CACNA1B: variants seen among roughly 807,000 people sequenced by gnomAD.
CACNA1B encodes calcium voltage-gated channel subunit alpha1 B, also known as voltage-dependent N-type calcium channel subunit alpha-1B.
In CACNA1B, 70 loss-of-function variants were observed where a neutral mutation model predicts 247.2. That is an observed-to-expected ratio of 0.28 (90% confidence interval 0.23 to 0.35). The LOEUF is 0.35. Ranked by LOEUF, CACNA1B falls within the 10% of genes least tolerant of loss-of-function variation. The probability of loss-of-function intolerance (pLI) is 1.00; values close to 1 mark genes in which losing one functional copy is unlikely to be tolerated. For missense variants in CACNA1B, 2,367 were observed against 3,197.4 expected, an observed-to-expected ratio of 0.74 and a Z score of 6.26; for synonymous variants, 1,231 against 1,294.4, an observed-to-expected ratio of 0.95 and a Z score of 1.05.
chr9:138,059,246 T>G lies in CACNA1B; in HGVS notation c.4584+57T>G. The G allele has an allele frequency of 1.0e-6, 1 of 1,000,422 alleles. No homozygotes were observed. The highest frequency in any genetic ancestry group is 1.6e-6 in the Non-Finnish European group (1 of 635,614). 62.0% of individuals were successfully genotyped at this position (1,000,422 alleles called of 1,614,324 possible). ...ACAACCTATATTCTGGTTCCCCATC[T>G]GTAGGGCGACCTTTGGGGGCTCACA... is the stretch of plus-strand genomic sequence containing the variant. On this transcript the variant is annotated intron_variant, in intron 30 of 46. Transcript: ENST00000371372. The surrounding 1 kb of genome is among the most constrained non-coding windows in gnomAD (Gnocchi z 4.2).
chr9:137,899,993 G>A lies in CACNA1B; in HGVS notation c.531-13187G>A, dbSNP rs55975415. Among the ~76,000 whole-genome samples the A allele has an allele frequency of 0.12, 17,580 of 152,184 alleles. 3,155 individuals are homozygous for A. Among genetic ancestry groups the A allele is most frequent in the African/African-American group, 0.39 (16,004 of 41,454 alleles). On this transcript the variant is annotated intron_variant, in intron 3 of 46. Coordinates refer to ENST00000371372, the MANE Select transcript of CACNA1B (RefSeq NM_000718.4). The surrounding 1 kb of genome is among the most constrained non-coding windows in gnomAD (Gnocchi z 5.0). ...GGGCCAGATGCATGGGGACAAGGGA[G>A]CATCCATAGTTTCTCATAGAACATA...
At chr9:138,080,175 G>A (rs1012711491) in intron 36 of CACNA1B, among the ~76,000 whole-genome samples, 7 of 152,188 alleles carry the variant, frequency 4.6e-5, no homozygotes, top group Non-Finnish European at 7.3e-5. Context: ...ATCCAGATTC[G>A]GGATTTCCCA....
intron 36 of CACNA1B, among the ~76,000 whole-genome samples, chr9:138,087,993 A>G (rs1187453597): frequency 6.6e-6 from 1 of 152,164 alleles, no homozygotes; most frequent in Non-Finnish European, 1.5e-5. Context: ...GCCGAAAATT[A>G]GTAGAGGAAC....
intron 6 of CACNA1B, among the ~76,000 whole-genome samples, chr9:137,940,512 C>G (rs188101066): frequency 2.0e-5 from 3 of 152,156 alleles, no homozygotes; most frequent in Non-Finnish European, 4.4e-5. Flanking sequence ...GGTACCAATC[C>G]TATCGACACT....
chr9:138,025,118 G>A lies in CACNA1B; in HGVS notation c.3232G>A (p.Val1078Ile). ...TCAGCCCCCAGACCCGAACACTATT[G>A]TACATATCCCAGTGATGCTGACGGG... Reference protein sequence around the residue: ...GSQPPDPNTIVHIPVMLTGPL... With the variant: ...GSQPPDPNTIIHIPVMLTGPL... The change falls in exon 20 of 47, where the codon GTA becomes ATA. Residue 1078 changes from valine to isoleucine, a missense_variant. Val to Ile is a conservative substitution (Grantham distance 29). Transcript: ENST00000371372. 2 of 1,613,434 alleles carry A rather than the reference G, an allele frequency of 1.2e-6. No individual in the cohort carries two copies. Among genetic ancestry groups the A allele is most frequent in the East Asian group, 2.2e-5 (1 of 44,856 alleles).
In CACNA1B at chr9:138,073,718, G is replaced by T; in HGVS notation, c.4791+114G>T. ...GGCTGGGAGAGGGTATGGCATGCAG[G>T]TTTCGTGGTTGTATGCATTGTCCTG... On this transcript the variant is annotated intron_variant, in intron 33 of 46. Coordinates refer to ENST00000371372, the MANE Select transcript of CACNA1B (RefSeq NM_000718.4). The surrounding 1 kb of genome is among the most constrained non-coding windows in gnomAD (Gnocchi z 6.4). 1 of 709,272 alleles carries T rather than the reference G, an allele frequency of 1.4e-6. No individual in the cohort carries two copies. The highest frequency in any genetic ancestry group is 1.6e-5 in the South Asian group (1 of 61,582). 43.9% of individuals were successfully genotyped at this position (709,272 alleles called of 1,614,324 possible).
intron 18 of CACNA1B, among the ~76,000 whole-genome samples, chr9:138,021,558 G>T (rs137907821): frequency 6.6e-6 from 1 of 152,238 alleles, no homozygotes; most frequent in Non-Finnish European, 1.5e-5. Context: ...GGTGGCCGCC[G>T]GCCTGGGCCT....
chr9:137,987,341 C>T (rs1461491046), intron 15 of CACNA1B, among the ~76,000 whole-genome samples: 2 of 152,186 alleles, frequency 1.3e-5, no homozygotes, highest in Non-Finnish European at 2.9e-5. Context: ...CGACGGAGAC[C>T]TTGTTGGCTC....
intron 36 of CACNA1B, among the ~76,000 whole-genome samples, chr9:138,094,457 A>AAAAAAAAAAAAAAAAAAG (rs752912258): frequency 7.4e-6 from 1 of 134,834 alleles, no homozygotes; most frequent in Non-Finnish European, 1.6e-5. Context: ...AAAAAAAAAA[A>AAAAAAAAAAAAAAAAAAG]AAGAAGAAGA....
In CACNA1B at chr9:138,010,095, G is replaced by A. The variant is rs144379109; in HGVS notation, c.2160+18G>A. 830 of 1,605,266 alleles carry A rather than the reference G, an allele frequency of 5.2e-4. 12 individuals are homozygous for A. The East Asian group carries it at 0.018, about 35-fold the overall frequency. On this transcript the variant is annotated intron_variant, in intron 17 of 46. Transcript: ENST00000371372. This position sits in a 1 kb window ranked among gnomAD's most constrained non-coding sequence, Gnocchi z 5.3. ...TGACCAAGGTAGGTGGCGACAGGGA[G>A]GGACCGGTGTCAGCCCATGTCACTT...
At chr9:138,087,667 A>T (rs1483942412) in intron 36 of CACNA1B, among the ~76,000 whole-genome samples, 2 of 142,988 alleles carry the variant, frequency 1.4e-5, no homozygotes, top group African/African-American at 5.1e-5. Flanking sequence ...GTGAGCCGAG[A>T]TCATACCACT....
Position 137,986,465 on chromosome 9 carries a change from T to C in CACNA1B, c.1822T>C (p.Ser608Pro). 1 of 1,613,844 alleles carries C rather than the reference T, an allele frequency of 6.2e-7. No homozygotes were observed. The highest frequency in any genetic ancestry group is 8.5e-7 in the Non-Finnish European group (1 of 1,179,804). The change falls in exon 14 of 47, where the codon TCC becomes CCC. Residue 608 changes from serine to proline, a missense_variant. Coordinates refer to ENST00000371372, the MANE Select transcript of CACNA1B (RefSeq NM_000718.4). The surrounding 1 kb of genome is among the most constrained non-coding windows in gnomAD (Gnocchi z 6.0). ...GGTGTCCCTGCTGAACTCCATGAAGTCCATCATCAGCCTGCTCTTCTTGCT... is the reference window on the plus strand; with the variant it reads ...GGTGTCCCTGCTGAACTCCATGAAGCCCATCATCAGCCTGCTCTTCTTGCT... ...LVVSLLNSMK[S>P]IISLLFLLFL... is the part of the protein sequence containing the mutation.
chr9:137,947,607 C>T (rs1351122933), intron 6 of CACNA1B, among the ~76,000 whole-genome samples: 2 of 151,900 alleles, frequency 1.3e-5, no homozygotes, highest in Non-Finnish European at 2.9e-5. Context: ...TTTCATTATT[C>T]ATTTTTTCTT....
chr9:138,075,672 C>T (rs1378242022), intron 34 of CACNA1B, 147 bp from the exon 35 acceptor site: 2 of 621,360 alleles, frequency 3.2e-6, no homozygotes, highest in Non-Finnish European at 5.8e-6. Flanking sequence ...ACACTGGCCT[C>T]TCCCGGGTGG....
rs1959590167 is a variant in CACNA1B, at chr9:138,058,337, G to A, written c.4308+87G>A. ...TCCTGCACACAAATCACTCACAGCT[G>A]GGTCAGCTTTGGCTGCCACCGTCTG... On this transcript the variant is annotated intron_variant, in intron 28 of 46. Coordinates refer to ENST00000371372, the MANE Select transcript of CACNA1B (RefSeq NM_000718.4). The surrounding 1 kb of genome is among the most constrained non-coding windows in gnomAD (Gnocchi z 4.7). The A allele has an allele frequency of 2.4e-6, 3 of 1,239,778 alleles. No individual in the cohort carries two copies. Among genetic ancestry groups the A allele is most frequent in the Non-Finnish European group, 3.5e-6 (3 of 854,426 alleles). 76.8% of individuals were successfully genotyped at this position (1,239,778 alleles called of 1,614,324 possible).
chr9:138,015,641 G>A (rs974016692), intron 18 of CACNA1B, among the ~76,000 whole-genome samples: 1 of 152,222 alleles, frequency 6.6e-6, no homozygotes, highest in African/African-American at 2.4e-5. Flanking sequence ...CTGGGTGCTG[G>A]GAGGACTTGG....
At chr9:138,115,510 G>C (rs1370190232) in intron 41 of CACNA1B, 42 bp from the exon 42 acceptor site, 1 of 1,596,934 alleles carries the variant, frequency 6.3e-7, no homozygotes, top group African/African-American at 1.3e-5. Context: ...CCACATTGCA[G>C]GCCCATTGGA....
At chr9:137,942,506 A>G (rs1421216577) in intron 6 of CACNA1B, among the ~76,000 whole-genome samples, 1 of 152,262 alleles carries the variant, frequency 6.6e-6, no homozygotes, top group Non-Finnish European at 1.5e-5. Context: ...GTCATATGAA[A>G]CAGAGACTTG....
rs532975283 is a variant in CACNA1B, at chr9:138,102,020, C to G, written c.5223-691C>G. On this transcript the variant is annotated intron_variant, in intron 37 of 46. Coordinates refer to ENST00000371372, the MANE Select transcript of CACNA1B (RefSeq NM_000718.4). The surrounding 1 kb of genome is among the most constrained non-coding windows in gnomAD (Gnocchi z 5.4). ...AGGCCATGTCCTGCCAGCTCCTCCC[C>G]CCTCCCGCAGTCTCCCATTTCCCAC... Among the ~76,000 whole-genome samples the G allele has an allele frequency of 9.8e-5, 15 of 152,302 alleles. No homozygotes were observed. The South Asian group carries it at 2.3e-3, about 23-fold the overall frequency.
Sources: allele counts gnomAD v4.1 joint callset (sites outside exome capture counted in the v4.1 genomes callset), GRCh38; gene constraint gnomAD v4.1.1; non-coding constraint Gnocchi (gnomAD v3.1); transcripts MANE v1.5; gene names NCBI Gene and HGNC (gene_info 2026-07-23, HGNC 2026-07-21).